CAST: variants seen among roughly 807,000 people sequenced by gnomAD.
The protein encoded by CAST is calpastatin.
Under a neutral mutation model 119.6 loss-of-function variants are expected in CAST, and 76 were observed. The ratio of observed to expected loss-of-function variants is 0.64; its 90% CI spans 0.53 to 0.77. CAST has a LOEUF of 0.77. CAST is among the 30% of genes least tolerant of loss of function. The probability of loss-of-function intolerance (pLI) is 0.00; values close to 1 mark genes in which losing one functional copy is unlikely to be tolerated. For synonymous variants in CAST, 319 were observed against 331.6 expected (o/e 0.96, Z 0.41); for missense variants, 953 against 946.5 (o/e 1.01, Z -0.09).
At chr5:96,665,691 A>C (rs765436177) in intron 1 of CAST, among the ~76,000 whole-genome samples, 5 of 152,150 alleles carry the variant, frequency 3.3e-5, no homozygotes, top group Non-Finnish European at 7.3e-5. Context: ...AAGACCACCC[A>C]TAAATCCCCC....
chr5:96,266,885 A>G, the CAST span, among the ~76,000 whole-genome samples: 1 of 152,240 alleles, frequency 6.6e-6, no homozygotes, highest in Non-Finnish European at 1.5e-5. Context: ...AAGAAAGCTA[A>G]ATAGCAGTTT....
intron 1 of CAST, among the ~76,000 whole-genome samples, chr5:96,617,515 C>T (rs1057276209): frequency 2.0e-5 from 3 of 152,022 alleles, no homozygotes; most frequent in Admixed American, 6.6e-5. Flanking sequence ...GGAGGCCGGG[C>T]ACGGTGGCTC....
chr5:96,540,839 A>G (rs1169994265), intron 1 of CAST, among the ~76,000 whole-genome samples: 2 of 152,184 alleles, frequency 1.3e-5, no homozygotes, highest in Non-Finnish European at 2.9e-5. Context: ...TATTTTTCTC[A>G]TGCATAGTAT....
chr5:96,578,327 T>C (rs1373075483), intron 1 of CAST, among the ~76,000 whole-genome samples: 1 of 151,326 alleles, frequency 6.6e-6, no homozygotes, highest in Non-Finnish European at 1.5e-5. Context: ...AAATTTGATG[T>C]GAGTTTCTTA....
intron 2 of CAST, among the ~76,000 whole-genome samples, chr5:96,691,511 G>A (rs998324382): frequency 1.3e-5 from 2 of 152,198 alleles, no homozygotes; most frequent in African/African-American, 4.8e-5. Flanking sequence ...GTCTTCTCAT[G>A]TGTACCAACC....
At chr5:96,238,341 T>TTCTTCTTCTTCA in the CAST span, among the ~76,000 whole-genome samples, 4 of 123,692 alleles carry the variant, frequency 3.2e-5, no homozygotes, top group African/African-American at 1.3e-4. Flanking sequence ...CTTCTTCTTC[T>TTCTTCTTCTTCA]TCTTCATCTT....
At chr5:96,513,045 G>T in the CAST span, among the ~76,000 whole-genome samples, 1 of 152,166 alleles carries the variant, frequency 6.6e-6, no homozygotes, top group South Asian at 2.1e-4. Flanking sequence ...GGGACTTGGG[G>T]ACAGAAAATC....
chr5:96,473,133 G>A, the CAST span, among the ~76,000 whole-genome samples: 1 of 152,150 alleles, frequency 6.6e-6, no homozygotes, highest in Non-Finnish European at 1.5e-5. Context: ...CATCTGCAAA[G>A]ACTCTATTTC....
At chr5:96,359,960 T>A in the CAST span, among the ~76,000 whole-genome samples, 2 of 152,196 alleles carry the variant, frequency 1.3e-5, no homozygotes, top group African/African-American at 4.8e-5. Flanking sequence ...CCCGTCACTT[T>A]CAGGTACACC....
the CAST span, among the ~76,000 whole-genome samples, chr5:96,294,783 A>G: frequency 1.3e-5 from 2 of 152,216 alleles, no homozygotes; most frequent in African/African-American, 4.8e-5. Flanking sequence ...TTCACATGGT[A>G]GAGGAAAGTA....
intron 1 of CAST, among the ~76,000 whole-genome samples, chr5:96,610,541 A>T (rs1747341919): frequency 6.6e-6 from 1 of 152,202 alleles, no homozygotes; most frequent in Non-Finnish European, 1.5e-5. Flanking sequence ...AGCCATCTTC[A>T]GCAGACCCAC....
At chr5:96,133,108 CAG>C in the CAST span, among the ~76,000 whole-genome samples, 3 of 152,078 alleles carry the variant, frequency 2.0e-5, no homozygotes, top group African/African-American at 2.4e-5. Context: ...CAGGAAGAAA[CAG>C]AAAGTGTTTT....
At chr5:96,494,833 G>A in the CAST span, among the ~76,000 whole-genome samples, 5 of 152,150 alleles carry the variant, frequency 3.3e-5, no homozygotes, top group African/African-American at 1.2e-4. Context: ...TTAAAAGTGC[G>A]TTGGCCGGGC....
chr5:96,614,317 G>A (rs762375267), intron 1 of CAST, among the ~76,000 whole-genome samples: 3 of 152,134 alleles, frequency 2.0e-5, no homozygotes, highest in Non-Finnish European at 4.4e-5. Flanking sequence ...CAGAATCAGG[G>A]CCTTTCACTC....
chr5:96,636,155 T>C (rs1021227506), intron 1 of CAST, among the ~76,000 whole-genome samples: 10 of 152,222 alleles, frequency 6.6e-5, no homozygotes, highest in African/African-American at 1.9e-4. Flanking sequence ...TGCTCCATAG[T>C]AAGCACTCTA....
intron 21 of CAST, 30 bp from the exon 22 acceptor site, chr5:96,754,628 T>C (rs745623675): frequency 1.5e-6 from 2 of 1,343,232 alleles, no homozygotes; most frequent in Non-Finnish European, 2.1e-6. Context: ...AAAAACATGC[T>C]AACAATGAAA....
At chr5:96,365,501 G>C in the CAST span, among the ~76,000 whole-genome samples, 1 of 152,050 alleles carries the variant, frequency 6.6e-6, no homozygotes, top group African/African-American at 2.4e-5. Flanking sequence ...TATGAATCTG[G>C]GTGCTCTTGT....
chr5:96,281,429 A>T, the CAST span, among the ~76,000 whole-genome samples: 1 of 152,356 alleles, frequency 6.6e-6, no homozygotes, highest in Non-Finnish European at 1.5e-5. Flanking sequence ...GAAGGCAATG[A>T]ATTAACCAAG....
At chr5:96,241,603 G>A in the CAST span, among the ~76,000 whole-genome samples, 1 of 144,840 alleles carries the variant, frequency 6.9e-6, no homozygotes, top group Admixed American at 6.9e-5. Flanking sequence ...TGGGTCAAAT[G>A]GTATTTCTAG....
Sources: allele counts gnomAD v4.1 joint callset (sites outside exome capture counted in the v4.1 genomes callset), GRCh38; gene constraint gnomAD v4.1.1; transcripts MANE v1.5; gene names NCBI Gene and HGNC (gene_info 2026-07-23, HGNC 2026-07-21).